The following SERPINB7 variants were observed in gnomAD, a reference collection of about 807,000 sequenced individuals.
SERPINB7 encodes the protein serpin B7.
A neutral mutation model predicts 37.4 loss-of-function variants in SERPINB7; 31 were observed. The ratio of observed to expected loss-of-function variants is 0.83; its 90% CI spans 0.62 to 1.12. The LOEUF is 1.12. SERPINB7 is among the 50% of genes most tolerant of loss of function. SERPINB7 has a pLI of 0.00. For synonymous variants in SERPINB7, 163 were observed against 166.1 expected (o/e 0.98, Z 0.14); for missense variants, 521 against 455.3 (o/e 1.14, Z -1.31).
intron 2 of SERPINB7, among the ~76,000 whole-genome samples, chr18:63,783,191 AGAGAGAGAGAGAGAGAGAGAG>A (rs2049321427): frequency 6.5e-5 from 4 of 61,870 alleles, no homozygotes; most frequent in African/African-American, 2.7e-4. Flanking sequence ...AAAGAAAGAG[AGAGAGAGAGAGAGAGAGAGAG>A]AGAGAGAGAG....
intron 7 of SERPINB7, among the ~76,000 whole-genome samples, chr18:63,803,003 G>A (rs1015598008): frequency 6.6e-6 from 1 of 152,056 alleles, no homozygotes; most frequent in East Asian, 1.9e-4. Flanking sequence ...TCAGATTTTA[G>A]CATACAGCAA....
chr18:63,788,512 G>A (rs188173283), intron 2 of SERPINB7, among the ~76,000 whole-genome samples: 1 of 152,264 alleles, frequency 6.6e-6, no homozygotes, highest in African/African-American at 2.4e-5. Flanking sequence ...AAGTAAAAAA[G>A]TTAAAGTAAG....
At chr18:63,762,277 G>C (rs1307660817) in intron 1 of SERPINB7, among the ~76,000 whole-genome samples, 1 of 152,146 alleles carries the variant, frequency 6.6e-6, no homozygotes, top group Non-Finnish European at 1.5e-5. Flanking sequence ...GGATTTCAAA[G>C]GGCAAATTTA....
chr18:63,783,182 AAGAAAGAGAGAGAGAGAGAGAGAGAG>A (rs2049320046), intron 2 of SERPINB7, among the ~76,000 whole-genome samples: 9 of 91,116 alleles, frequency 9.9e-5, no homozygotes, highest in South Asian at 4.3e-4. Flanking sequence ...TAAAGAAAGA[AAGAAAGAGAGAGAGAGAGAGAGAGAG>A]AGAGAGAGAG....
chr18:63,779,899 T>G (rs907634873), intron 1 of SERPINB7, among the ~76,000 whole-genome samples: 3 of 152,140 alleles, frequency 2.0e-5, no homozygotes, highest in Non-Finnish European at 2.9e-5. Flanking sequence ...AAGGCATAAT[T>G]TGTAAAACAA....
intron 5 of SERPINB7, 42 bp from the exon 6 acceptor site, chr18:63,798,560 TTA>T: frequency 6.9e-7 from 1 of 1,449,004 alleles, no homozygotes; most frequent in Non-Finnish European, 9.3e-7. Flanking sequence ...ATTTTTAAAA[TTA>T]TATTAAAATA....
chr18:63,804,687 A>G lies in SERPINB7; in HGVS notation c.*52A>G. 3.4e-6 allele frequency: 5 copies of G among 1,488,634 alleles called. No individual in the cohort carries two copies. Among genetic ancestry groups the G allele is most frequent in the Non-Finnish European group, 4.5e-6 (5 of 1,107,086 alleles). The allele number at this position is 1,488,634 out of a possible 1,614,324, so 92.2% of individuals were successfully genotyped here. A position where few individuals can be genotyped will look rare whatever the true frequency, so the allele number is the denominator to read the frequency against. Reference sequence around the variant, plus strand: ...GTCCCCACAACATCAAAGAACCACCACAAGTCAATAGATTTGAGTTTAATT... The same window carrying G: ...GTCCCCACAACATCAAAGAACCACCGCAAGTCAATAGATTTGAGTTTAATT... On this transcript the variant is annotated 3_prime_UTR_variant, in exon 8 of 8. Transcript: ENST00000398019.
At chr18:63,761,359 A>G (rs2049152748) in intron 1 of SERPINB7, among the ~76,000 whole-genome samples, 1 of 152,208 alleles carries the variant, frequency 6.6e-6, no homozygotes, top group Non-Finnish European at 1.5e-5. Flanking sequence ...CTAGGAAGTA[A>G]CTAACTTGCT....
upstream of SERPINB7, among the ~76,000 whole-genome samples, chr18:63,773,055 AGAGT>A (rs1348307296): frequency 1.3e-5 from 2 of 152,158 alleles, no homozygotes; most frequent in African/African-American, 4.8e-5. Context: ...CAAGAGACAT[AGAGT>A]AACTGAATTC....
intron 2 of SERPINB7, among the ~76,000 whole-genome samples, chr18:63,787,870 A>G (rs1252960584): frequency 1.3e-5 from 2 of 152,210 alleles, no homozygotes; most frequent in African/African-American, 4.8e-5. Flanking sequence ...TGAGGGCAGT[A>G]CCGTCAAATT....
intron 4 of SERPINB7, among the ~76,000 whole-genome samples, chr18:63,794,108 TA>T (rs2049459325): frequency 7.9e-6 from 1 of 126,400 alleles, no homozygotes; most frequent in African/African-American, 3.0e-5. Flanking sequence ...CACATCCTGC[TA>T]ATTTTTTTTT....
In SERPINB7 at chr18:63,796,347, C is replaced by T. The variant is rs371023956; in HGVS notation, c.418C>T (p.Arg140Cys). The T allele has an allele frequency of 4.5e-5, 73 of 1,608,724 alleles. No homozygotes were observed. Among genetic ancestry groups the T allele is most frequent in the Middle Eastern group, 3.3e-4 (2 of 6,036 alleles). ...DFTNHLEDTR[R>C]NINKWVENET... is the part of the protein sequence containing the mutation. ...TACGAATCATTTAGAAGACACTAGA[C>T]GTAATATTAATAAGTGGGTTGAAAA... The change falls in exon 5 of 8, where the codon CGT becomes TGT. Residue 140 changes from arginine (R) to cysteine (C), a missense_variant. Transcript: ENST00000398019.
At chr18:63,788,255 G>A (rs1204057243) in intron 2 of SERPINB7, among the ~76,000 whole-genome samples, 1 of 152,148 alleles carries the variant, frequency 6.6e-6, no homozygotes, top group Non-Finnish European at 1.5e-5. Context: ...ACCTTTCAGT[G>A]GGACAAGACG....
At chr18:63,789,538 G>A (rs1051449401) in intron 2 of SERPINB7, among the ~76,000 whole-genome samples, 9 of 151,990 alleles carry the variant, frequency 5.9e-5, no homozygotes, top group African/African-American at 1.5e-4. Context: ...TCCACTGTTC[G>A]CCACTGCTCA....
chr18:63,799,515 C>G (rs930772511), intron 6 of SERPINB7, among the ~76,000 whole-genome samples: 2 of 152,172 alleles, frequency 1.3e-5, no homozygotes, highest in African/African-American at 4.8e-5. Context: ...TGTAATGTAG[C>G]TATAGCAGAC....
intron 7 of SERPINB7, 21 bp from the exon 8 acceptor site, chr18:63,804,216 A>G: frequency 6.7e-7 from 1 of 1,498,856 alleles, no homozygotes; most frequent in Non-Finnish European, 9.0e-7. Context: ...ATTCTAAATT[A>G]TCTCTGAATT....
chr18:63,768,723 A>G (rs2049193938), intron 1 of SERPINB7, among the ~76,000 whole-genome samples: 1 of 152,104 alleles, frequency 6.6e-6, no homozygotes, highest in South Asian at 2.1e-4. Flanking sequence ...AAAAATTGCC[A>G]CACCCAGGAA....
At chr18:63,783,232 GAGAAAGAAAGAAAGAAAGAAAGAA>G (rs761812129) in intron 2 of SERPINB7, among the ~76,000 whole-genome samples, 7 of 40,750 alleles carry the variant, frequency 1.7e-4, no homozygotes, top group East Asian at 6.9e-4. Context: ...GAGAGAGAGA[GAGAAAGAAAGAAAGAAAGAAAGAA>G]AGAAAGAAAG....
chr18:63,757,708 G>A (rs1039870949), intron 1 of SERPINB7, among the ~76,000 whole-genome samples: 6 of 152,194 alleles, frequency 3.9e-5, no homozygotes, highest in African/African-American at 1.4e-4. Flanking sequence ...TTGGCTTCTT[G>A]CAGAAAAAGT....
Sources: gnomAD v4.1 joint callset for allele counts (sites outside exome capture counted in the v4.1 genomes callset) on GRCh38, gnomAD v4.1.1 for gene constraint, MANE v1.5 for transcripts, NCBI Gene and HGNC (gene_info 2026-07-23, HGNC 2026-07-21) for gene names.